Variants in SLC9D1 observed in about 807,000 individuals in gnomAD.
SLC9D1 encodes putative LAG1-interacting protein.
the SLC9D1 span, chr13:113,528,322 TC>T: frequency 6.6e-6 from 1 of 152,220 alleles, no homozygotes; most frequent in Non-Finnish European, 1.5e-5. Flanking sequence ...CTGCCAGGCC[TC>T]CAGCCCCACC....
the SLC9D1 span, among the ~76,000 whole-genome samples, chr13:113,523,974 A>G: frequency 6.6e-6 from 1 of 152,308 alleles, no homozygotes; most frequent in South Asian, 2.1e-4. Flanking sequence ...GTGGCGCGAG[A>G]ACATTTTGTA....
chr13:113,503,411 G>A, the SLC9D1 span: 2 of 889,980 alleles, frequency 2.2e-6, no homozygotes, highest in Non-Finnish European at 3.6e-6. Flanking sequence ...CTTCCACCGG[G>A]CATACTAGGG....
the SLC9D1 span, chr13:113,529,239 A>T: frequency 6.6e-6 from 1 of 152,378 alleles, no homozygotes; most frequent in African/African-American, 2.4e-5. Context: ...CTTCATGTTT[A>T]CAAAGAGTTG....
chr13:113,519,886 C>T, the SLC9D1 span, among the ~76,000 whole-genome samples: 1 of 152,226 alleles, frequency 6.6e-6, no homozygotes, highest in Non-Finnish European at 1.5e-5. Flanking sequence ...TGGGTCTGCA[C>T]ACGTGGAACA....
the SLC9D1 span, chr13:113,548,213 C>T: frequency 3.2e-5 from 46 of 1,427,536 alleles, no homozygotes; most frequent in Non-Finnish European, 4.1e-5. Flanking sequence ...TCGCAGCGTG[C>T]CTGTGGCTCG....
At chr13:113,511,320 A>C in the SLC9D1 span, among the ~76,000 whole-genome samples, 2 of 152,320 alleles carry the variant, frequency 1.3e-5, no homozygotes, top group South Asian at 4.1e-4. Flanking sequence ...GAAAATACGG[A>C]AAGAGAAAAC....
the SLC9D1 span, among the ~76,000 whole-genome samples, chr13:113,518,996 A>C: frequency 6.6e-6 from 1 of 151,820 alleles, no homozygotes; most frequent in African/African-American, 2.4e-5. Flanking sequence ...TTTTTAAAAT[A>C]AGCCTTTTCT....
chr13:113,516,209 G>T, the SLC9D1 span, among the ~76,000 whole-genome samples: 2 of 152,112 alleles, frequency 1.3e-5, no homozygotes, highest in African/African-American at 4.8e-5. Context: ...TGGATTATTT[G>T]TTCCTTGAGA....
chr13:113,505,508 A>G, the SLC9D1 span: 1 of 152,270 alleles, frequency 6.6e-6, no homozygotes, highest in African/African-American at 2.4e-5. Flanking sequence ...GCCACTGCAA[A>G]GTAACAAGAG....
the SLC9D1 span, among the ~76,000 whole-genome samples, chr13:113,523,641 T>C: frequency 6.6e-6 from 1 of 152,212 alleles, no homozygotes; most frequent in East Asian, 1.9e-4. Context: ...CATTAGTTTC[T>C]ACCCTCACCT....
chr13:113,549,516 C>G, the SLC9D1 span: 5 of 1,614,086 alleles, frequency 3.1e-6, 1 homozygote, highest in East Asian at 4.5e-5. Flanking sequence ...GTGCCCAGAC[C>G]GGAGAGACGG....
chr13:113,501,720 T>A, the SLC9D1 span: 1 of 1,587,052 alleles, frequency 6.3e-7, no homozygotes, highest in Non-Finnish European at 8.6e-7. Context: ...TGTTATCTTA[T>A]ACTTCTGTTT....
chr13:113,533,706 C>T, the SLC9D1 span, among the ~76,000 whole-genome samples: 7 of 152,282 alleles, frequency 4.6e-5, no homozygotes, highest in South Asian at 8.3e-4. Context: ...CGCTGCCTGG[C>T]GGAGACTTTG....
chr13:113,536,096 G>A, the SLC9D1 span, among the ~76,000 whole-genome samples: 10 of 152,278 alleles, frequency 6.6e-5, no homozygotes, highest in South Asian at 2.1e-4. Flanking sequence ...AAAAGTTTCC[G>A]GCTGGGCGCG....
the SLC9D1 span, among the ~76,000 whole-genome samples, chr13:113,513,238 G>T: frequency 2.0e-5 from 3 of 152,168 alleles, no homozygotes; most frequent in Admixed American, 2.0e-4. Flanking sequence ...GACAAGTCAT[G>T]TGTGCCCAGT....
At chr13:113,501,978 C>T in the SLC9D1 span, 1 of 979,484 alleles carries the variant, frequency 1.0e-6, no homozygotes, top group Non-Finnish European at 1.6e-6. Context: ...AATGCAGATA[C>T]CAGCTTCGTA....
At chr13:113,520,690 G>A in the SLC9D1 span, 11 of 1,613,776 alleles carry the variant, frequency 6.8e-6, no homozygotes, top group Admixed American at 3.3e-5. Context: ...CTTCATGGCC[G>A]TCATGCCGAC....
chr13:113,492,489 A>G, the SLC9D1 span, among the ~76,000 whole-genome samples: 2 of 150,408 alleles, frequency 1.3e-5, no homozygotes, highest in Non-Finnish European at 3.0e-5. Flanking sequence ...GATTGCACCA[A>G]CTATACATGC....
chr13:113,519,850 A>G, the SLC9D1 span, among the ~76,000 whole-genome samples: 1 of 152,194 alleles, frequency 6.6e-6, no homozygotes, highest in African/African-American at 2.4e-5. Context: ...CTCACAGAGA[A>G]GGCTCGTTCT....
Sources: allele counts gnomAD v4.1 joint callset (sites outside exome capture counted in the v4.1 genomes callset), GRCh38; gene constraint gnomAD v4.1.1; transcripts MANE v1.5; gene names NCBI Gene and HGNC (gene_info 2026-07-23, HGNC 2026-07-21).